CD58: variants seen among roughly 807,000 people sequenced by gnomAD.
CD58 encodes the protein CD58 molecule, also known as lymphocyte function-associated antigen 3.
A neutral mutation model predicts 27.6 loss-of-function variants in CD58; 14 were observed. The observed-to-expected ratio is 0.51, with a 90% CI of 0.34 to 0.79. The LOEUF is 0.79. CD58 is among the 30% of genes least tolerant of loss of function. The probability of loss-of-function intolerance (pLI) is 0.02; values close to 1 mark genes in which losing one functional copy is unlikely to be tolerated. For synonymous variants in CD58, 117 were observed against 103.8 expected (o/e 1.13, Z -0.77); for missense variants, 268 against 301.7 (o/e 0.89, Z 0.83).
rs947320834 is a variant in CD58 at position 116,570,103 on chromosome 1, C to G, written c.70+800G>C. On this transcript the variant is annotated intron_variant, in intron 1 of 5. Coordinates refer to ENST00000369489, the MANE Select transcript of CD58 (RefSeq NM_001779.3). The surrounding 1 kb of genome is among the most constrained non-coding windows in gnomAD (Gnocchi z 6.4). ...TGAGAACCCCTCAAGTACAGTTGAA[C>G]TCGCTGGGAGGTTACTGCTGTACTC... is the stretch of plus-strand genomic sequence containing the variant. 6.6e-6 allele frequency among the ~76,000 whole-genome samples: 1 copy of G among 152,208 alleles called. No homozygotes were observed. Among genetic ancestry groups the G allele is most frequent in the African/African-American group, 2.4e-5 (1 of 41,456 alleles).
chr1:116,522,587 G>A lies in CD58; in HGVS notation c.629-604C>T, dbSNP rs1389732467. On this transcript the variant is annotated intron_variant, in intron 3 of 5. Transcript: ENST00000369489. The surrounding 1 kb of genome is among the most constrained non-coding windows in gnomAD (Gnocchi z 4.6). ...GAACCTACCCCTGTATTTCCCCCAG[G>A]AACATTACTTCACTACTTGCTATTT... Among the ~76,000 whole-genome samples the A allele has an allele frequency of 6.6e-6, 1 of 152,100 alleles. No individual in the cohort carries two copies. Among genetic ancestry groups the A allele is most frequent in the East Asian group, 1.9e-4 (1 of 5,204 alleles).
At chr1:116,518,991 ACTC>A (rs1477857096) in intron 5 of CD58, 8 of 1,057,180 alleles carry the variant, frequency 7.6e-6, no homozygotes, top group East Asian at 2.7e-5. Flanking sequence ...GGGGTATGAT[ACTC>A]CTCCTGCAAG....
At chr1:116,558,262 T>G (rs1658646149) in intron 1 of CD58, among the ~76,000 whole-genome samples, 1 of 152,092 alleles carries the variant, frequency 6.6e-6, no homozygotes, top group Non-Finnish European at 1.5e-5. Context: ...ATAATGGTGA[T>G]TCATTTAAAG....
In CD58 at chr1:116,531,904, A is replaced by G. The variant is rs1184590959; in HGVS notation, c.628+4061T>C. On this transcript the variant is annotated intron_variant, in intron 3 of 5. Coordinates refer to ENST00000369489, the MANE Select transcript of CD58 (RefSeq NM_001779.3). This position sits in a 1 kb window ranked among gnomAD's most constrained non-coding sequence, Gnocchi z 4.5. The stretch of plus-strand genomic sequence containing the variant: ...ACAAGGCCATCCCCGGCTGCCACAG[A>G]GCGCTGTCACCCACTTGGAAACCCC... 6.6e-6 allele frequency among the ~76,000 whole-genome samples: 1 copy of G among 152,248 alleles called. No individual in the cohort carries two copies. The highest frequency in any genetic ancestry group is 1.5e-5 in the Non-Finnish European group (1 of 68,046).
rs747030299 is a variant in CD58 at position 116,536,984 on chromosome 1, A to G, written c.365-756T>C. Among the ~76,000 whole-genome samples, 20 of 152,232 alleles carry G rather than the reference A, an allele frequency of 1.3e-4. No individual in the cohort carries two copies. Among genetic ancestry groups the G allele is most frequent in the Non-Finnish European group, 2.6e-4 (18 of 68,030 alleles). On this transcript the variant is annotated intron_variant, in intron 2 of 5. Coordinates refer to ENST00000369489, the MANE Select transcript of CD58 (RefSeq NM_001779.3). This position sits in a 1 kb window ranked among gnomAD's most constrained non-coding sequence, Gnocchi z 5.4. Reference sequence around the variant, plus strand: ...AATATTCCTGTGCTTGGCAGGACACAGTGGCTCATGGCTATACTCCCAGCA... The same window carrying G: ...AATATTCCTGTGCTTGGCAGGACACGGTGGCTCATGGCTATACTCCCAGCA...
intron 1 of CD58, among the ~76,000 whole-genome samples, chr1:116,553,618 C>T (rs1226821006): frequency 6.6e-6 from 1 of 152,132 alleles, no homozygotes; most frequent in Admixed American, 6.5e-5. Context: ...TGGCCTGGAA[C>T]ATCATGCTTT....
At chr1:116,567,439 C>G (rs773717964) in intron 1 of CD58, among the ~76,000 whole-genome samples, 17 of 151,988 alleles carry the variant, frequency 1.1e-4, no homozygotes, top group Non-Finnish European at 1.9e-4. Flanking sequence ...AGTTTAAGAC[C>G]AGTCTGGGCA....
intron 3 of CD58, among the ~76,000 whole-genome samples, chr1:116,526,487 C>T (rs1657438505): frequency 6.6e-6 from 1 of 152,204 alleles, no homozygotes; most frequent in Non-Finnish European, 1.5e-5. Context: ...TGTCAAAGAT[C>T]AGTTGACCAT....
rs538288417 is a variant in CD58 at position 116,527,856 on chromosome 1, A to T, written c.629-5873T>A. Among the ~76,000 whole-genome samples, 32 of 152,312 alleles carry T rather than the reference A, an allele frequency of 2.1e-4. No homozygotes were observed. The highest frequency in any genetic ancestry group is 7.7e-4 in the African/African-American group (32 of 41,560). The stretch of plus-strand genomic sequence containing the variant: ...ACTGATCTGATTTATTTAAACTGCC[A>T]GGCTGAAGTGATCCTCCCACCTCAG... On this transcript the variant is annotated intron_variant, in intron 3 of 5. Transcript: ENST00000369489. The surrounding 1 kb of genome is among the most constrained non-coding windows in gnomAD (Gnocchi z 4.4).
rs572182807 is a variant in CD58 at position 116,555,254 on chromosome 1, T to C, written c.71-10650A>G. ...ACACTAGATCTCCTCAGCTGTGAAG[T>C]AGAAATCATAATGCCCACCATAAAA... On this transcript the variant is annotated intron_variant, in intron 1 of 5. Transcript: ENST00000369489. Among the ~76,000 whole-genome samples, 46 of 152,172 alleles carry C rather than the reference T, an allele frequency of 3.0e-4. 1 individual carries two copies. Among genetic ancestry groups the C allele is most frequent in the Middle Eastern group, 6.8e-3 (2 of 294 alleles).
At chr1:116,520,262 C>T (rs999446200) in intron 4 of CD58, among the ~76,000 whole-genome samples, 1 of 152,116 alleles carries the variant, frequency 6.6e-6, no homozygotes, top group Non-Finnish European at 1.5e-5. Flanking sequence ...CAGGCATGCA[C>T]CACCATGCCT....
rs1657355065 is a variant in CD58 at position 116,524,177 on chromosome 1, C to T, written c.629-2194G>A. Among the ~76,000 whole-genome samples, 1 of 152,132 alleles carries T rather than the reference C, an allele frequency of 6.6e-6. No individual in the cohort carries two copies. The highest frequency in any genetic ancestry group is 6.5e-5 in the Admixed American group (1 of 15,274). ...CCCAGGTATGGAATCAGCCAACTGT[C>T]CCAAAGGCCCTAGTTCATTTTCATG... is the stretch of plus-strand genomic sequence containing the variant. On this transcript the variant is annotated intron_variant, in intron 3 of 5. Coordinates refer to ENST00000369489, the MANE Select transcript of CD58 (RefSeq NM_001779.3). The surrounding 1 kb of genome is among the most constrained non-coding windows in gnomAD (Gnocchi z 4.6).
rs910667982 is a variant in CD58 at position 116,546,237 on chromosome 1, G to A, written c.71-1633C>T. ...AAAGAGCAATTAAAATTTGACTGAA[G>A]TTTTTGCCTAGTAGCAATTAGGGTA... On this transcript the variant is annotated intron_variant, in intron 1 of 5. Transcript: ENST00000369489. The surrounding 1 kb of genome is among the most constrained non-coding windows in gnomAD (Gnocchi z 4.1). Among the ~76,000 whole-genome samples the A allele has an allele frequency of 1.3e-5, 2 of 152,218 alleles. No individual in the cohort carries two copies. Among genetic ancestry groups the A allele is most frequent in the Non-Finnish European group, 2.9e-5 (2 of 68,030 alleles).
chr1:116,569,812 T>TG (rs1659070973), intron 1 of CD58, among the ~76,000 whole-genome samples: 1 of 152,068 alleles, frequency 6.6e-6, no homozygotes, highest in Admixed American at 6.6e-5. Context: ...GTGTTGGCCC[T>TG]GCTGGTCTCC....
In CD58 at chr1:116,521,281, T is replaced by G. The variant is rs1367718070; in HGVS notation, c.706+625A>C. On this transcript the variant is annotated intron_variant, in intron 4 of 5. Transcript: ENST00000369489. The surrounding 1 kb of genome is among the most constrained non-coding windows in gnomAD (Gnocchi z 5.6). ...TGGTGAAGGCTGGTATGGAAACTGC[T>G]GTGGCATCAAGAATATCCACTCTTC... Among the ~76,000 whole-genome samples the G allele has an allele frequency of 6.6e-6, 1 of 152,202 alleles. No homozygotes were observed. The highest frequency in any genetic ancestry group is 2.4e-5 in the African/African-American group (1 of 41,438).
At chr1:116,553,583 G>A (rs1658462461) in intron 1 of CD58, among the ~76,000 whole-genome samples, 1 of 152,106 alleles carries the variant, frequency 6.6e-6, no homozygotes, top group Non-Finnish European at 1.5e-5. Context: ...CCCTAAGAAA[G>A]GAAACACAGC....
chr1:116,535,867 AAT>A, intron 3 of CD58, 96 bp downstream of exon 3: 10 of 798,868 alleles, frequency 1.3e-5, no homozygotes, highest in South Asian at 1.8e-5. Context: ...AAAAAAAAAA[AAT>A]TGTAACTTGT....
At position 116,521,761 on chromosome 1, in the gene CD58, A is replaced by G; in HGVS notation, c.706+145T>C. 1.6e-6 allele frequency: 1 copy of G among 607,618 alleles called. No homozygotes were observed. Among genetic ancestry groups the G allele is most frequent in the East Asian group, 3.1e-5 (1 of 32,172 alleles). 37.6% of individuals were successfully genotyped at this position (607,618 alleles called of 1,614,324 possible). ...TTTGGAGGAACCTAGCATGCTCAGC[A>G]GTCCCACACACGTAAAGCAAAAAAG... On this transcript the variant is annotated intron_variant, in intron 4 of 5. Transcript: ENST00000369489. The surrounding 1 kb of genome is among the most constrained non-coding windows in gnomAD (Gnocchi z 5.6).
At position 116,515,211 on chromosome 1, in the gene CD58, A is replaced by G. The variant is rs1053685293; in HGVS notation, c.744-389T>C. On this transcript the variant is annotated intron_variant, in intron 5 of 5. Coordinates refer to ENST00000369489, the MANE Select transcript of CD58 (RefSeq NM_001779.3). This position sits in a 1 kb window ranked among gnomAD's most constrained non-coding sequence, Gnocchi z 4.6. ...GGGGATGGTTTTCTTCCTACCTCAA[A>G]CTTACCTTCCTGTTTAGTCACCTCT... Among the ~76,000 whole-genome samples the G allele has an allele frequency of 1.3e-5, 2 of 152,166 alleles. No homozygotes were observed. Among genetic ancestry groups the G allele is most frequent in the African/African-American group, 2.4e-5 (1 of 41,434 alleles).
Sources: allele counts gnomAD v4.1 joint callset (sites outside exome capture counted in the v4.1 genomes callset), GRCh38; gene constraint gnomAD v4.1.1; non-coding constraint Gnocchi (gnomAD v3.1); transcripts MANE v1.5; gene names NCBI Gene and HGNC (gene_info 2026-07-23, HGNC 2026-07-21).